The following CDH4 variants were observed in gnomAD, a reference collection of about 807,000 sequenced individuals.
CDH4 encodes the protein cadherin-4.
In CDH4, 33 loss-of-function variants were observed where a neutral mutation model predicts 86.0. That is an observed-to-expected ratio of 0.38 (90% confidence interval 0.29 to 0.51). The LOEUF (loss-of-function observed/expected upper bound fraction) is 0.51. CDH4 is among the 20% of genes least tolerant of loss of function. CDH4 has a pLI of 0.86. For missense variants in CDH4, 1,114 were observed against 1,307.4 expected, an observed-to-expected ratio of 0.85 and a Z score of 2.28; for synonymous variants, 555 against 549.4, an observed-to-expected ratio of 1.01 and a Z score of -0.14.
intron 4 of CDH4, among the ~76,000 whole-genome samples, chr20:61,816,198 C>T (rs1246051984): frequency 6.6e-6 from 1 of 152,158 alleles, no homozygotes; most frequent in Non-Finnish European, 1.5e-5. Flanking sequence ...CTTCCCAAAC[C>T]TAAACTTAAC....
At position 61,582,894 on chromosome 20, in the gene CDH4, C is replaced by T. The variant is rs2086439819; in HGVS notation, c.170-160669C>T. 6.6e-6 allele frequency among the ~76,000 whole-genome samples: 1 copy of T among 152,184 alleles called. No individual in the cohort carries two copies. The highest frequency in any genetic ancestry group is 1.5e-5 in the Non-Finnish European group (1 of 68,030). ...GTCCATTTTAGAATGTTTTCATCGC[C>T]TCACAAAGAAACTCCACACCCTTGG... On this transcript the variant is annotated intron_variant, in intron 2 of 15. Coordinates refer to ENST00000614565, the MANE Select transcript of CDH4 (RefSeq NM_001794.5). The surrounding 1 kb of genome is among the most constrained non-coding windows in gnomAD (Gnocchi z 4.2).
chr20:61,281,700 A>G (rs977050925), intron 2 of CDH4, among the ~76,000 whole-genome samples: 9 of 152,216 alleles, frequency 5.9e-5, no homozygotes, highest in African/African-American at 2.2e-4. Context: ...TTGGGGGGCA[A>G]GGCTGACCAC....
chr20:61,661,091 G>GC lies in CDH4; in HGVS notation c.170-82472_170-82471insC, dbSNP rs376383711. Among the ~76,000 whole-genome samples the GC allele has an allele frequency of 3.5e-5, 5 of 143,938 alleles. 1 individual carries two copies. The highest frequency in any genetic ancestry group is 6.2e-5 in the Non-Finnish European group (4 of 64,786). The allele number at this position is 143,938 out of a possible 152,430, so 94.4% of individuals were successfully genotyped here. A position where few individuals can be genotyped will look rare whatever the true frequency, so the allele number is the denominator to read the frequency against. ...CATGGACAGGAGGCATGGCGGGGGG[G>GC]GGGGAGACACAGTGCCAGGCTCATG... On this transcript the variant is annotated intron_variant, in intron 2 of 15. Coordinates refer to ENST00000614565, the MANE Select transcript of CDH4 (RefSeq NM_001794.5).
Position 61,520,609 on chromosome 20 carries a change from C to G in CDH4, c.170-222954C>G, listed in dbSNP as rs531102384. ...CAGGCCCTGCCTATGGATCAGGCAC[C>G]AGGCTTGGCATTTGGCGCATAGTTT... On this transcript the variant is annotated intron_variant, in intron 2 of 15. Coordinates refer to ENST00000614565, the MANE Select transcript of CDH4 (RefSeq NM_001794.5). Among the ~76,000 whole-genome samples, 12 of 152,342 alleles carry G rather than the reference C, an allele frequency of 7.9e-5. No individual in the cohort carries two copies. The South Asian group carries it at 2.5e-3, about 32-fold the overall frequency.
Position 61,685,895 on chromosome 20 carries a change from C to A in CDH4, c.170-57668C>A, listed in dbSNP as rs374748318. ...CTGTGGGATCCCCACTGGGTGGTAC[C>A]CGCACACCATTTAGCATTCCAGATG... On this transcript the variant is annotated intron_variant, in intron 2 of 15. Coordinates refer to ENST00000614565, the MANE Select transcript of CDH4 (RefSeq NM_001794.5). Among the ~76,000 whole-genome samples, 162 of 152,346 alleles carry A rather than the reference C, an allele frequency of 1.1e-3. 4 individuals carry two copies. In the South Asian group the frequency reaches 0.033, roughly 31 times the overall value.
intron 2 of CDH4, among the ~76,000 whole-genome samples, chr20:61,569,212 G>A (rs2086323597): frequency 6.6e-6 from 1 of 151,876 alleles, no homozygotes; most frequent in Non-Finnish European, 1.5e-5. Flanking sequence ...TGGCCATGAT[G>A]ATTAACTGAG....
intron 2 of CDH4, among the ~76,000 whole-genome samples, chr20:61,711,438 GA>G (rs1447215721): frequency 6.6e-6 from 1 of 152,204 alleles, no homozygotes; most frequent in Non-Finnish European, 1.5e-5. Flanking sequence ...GCTCCTTCTG[GA>G]GACTCCAGGG....
chr20:61,921,198 C>CGTG (rs11472127), intron 9 of CDH4, among the ~76,000 whole-genome samples: 30,425 of 143,140 alleles, frequency 0.21, 5,611 homozygotes, highest in African/African-American at 0.5. Flanking sequence ...AGCGTGGTGT[C>CGTG]GTGATTGCAT....
At chr20:61,933,682 G>A (rs758877049) in intron 14 of CDH4, among the ~76,000 whole-genome samples, 13 of 145,066 alleles carry the variant, frequency 9.0e-5, no homozygotes, top group African/African-American at 3.0e-4. Flanking sequence ...CACCTTCCCC[G>A]CCCCTCCCGC....
At chr20:61,730,616 G>A (rs1000300614) in intron 2 of CDH4, among the ~76,000 whole-genome samples, 17 of 152,332 alleles carry the variant, frequency 1.1e-4, no homozygotes, top group African/African-American at 2.2e-4. Flanking sequence ...AGGAAGGCAG[G>A]CCCAGCGCCT....
At chr20:61,293,955 T>G (rs1027272010) in intron 2 of CDH4, among the ~76,000 whole-genome samples, 1 of 152,044 alleles carries the variant, frequency 6.6e-6, no homozygotes. Context: ...GCTGGTGAGG[T>G]GCTGGGGGGT....
At chr20:61,537,307 A>G (rs2086004419) in intron 2 of CDH4, among the ~76,000 whole-genome samples, 3 of 151,994 alleles carry the variant, frequency 2.0e-5, no homozygotes, top group African/African-American at 4.8e-5. Context: ...ATTGCTTGCA[A>G]TTTTTCTCTC....
chr20:61,782,285 G>C (rs1978589492), intron 4 of CDH4, among the ~76,000 whole-genome samples: 1 of 152,242 alleles, frequency 6.6e-6, no homozygotes, highest in African/African-American at 2.4e-5. Flanking sequence ...CTGCAGCCTG[G>C]GTGACAGAGT....
chr20:61,668,494 G>A (rs566213403), intron 2 of CDH4, among the ~76,000 whole-genome samples: 29 of 152,328 alleles, frequency 1.9e-4, no homozygotes, highest in Non-Finnish European at 2.8e-4. Context: ...GTCGTGGGGC[G>A]TGCTCACCAC....
intron 2 of CDH4, among the ~76,000 whole-genome samples, chr20:61,526,502 T>A (rs577436986): frequency 1.8e-4 from 28 of 152,162 alleles, no homozygotes; most frequent in Admixed American, 8.5e-4. Flanking sequence ...TCTTTTTTTT[T>A]AATTTATTAT....
chr20:61,358,649 G>A (rs749071143), intron 2 of CDH4, among the ~76,000 whole-genome samples: 9 of 152,170 alleles, frequency 5.9e-5, no homozygotes, highest in Non-Finnish European at 1.0e-4. Context: ...TCAAATGCAC[G>A]GCCCTTCCCT....
intron 2 of CDH4, among the ~76,000 whole-genome samples, chr20:61,390,829 C>T (rs1026724825): frequency 6.6e-6 from 1 of 151,652 alleles, no homozygotes; most frequent in Non-Finnish European, 1.5e-5. Flanking sequence ...TGGGAGACCC[C>T]GATTGAGATC....
At chr20:61,404,132 GCAGCTGAGCTGCTA>G (rs57679528) in intron 2 of CDH4, among the ~76,000 whole-genome samples, 63,019 of 146,120 alleles carry the variant, frequency 0.43, 14,874 homozygotes, top group African/African-American at 0.68. Context: ...CTGAGCTGGT[GCAGCTGAGCTGCTA>G]CAGCCAGGCG....
chr20:61,389,479 T>A (rs1161706413), intron 2 of CDH4, among the ~76,000 whole-genome samples: 1 of 152,164 alleles, frequency 6.6e-6, no homozygotes, highest in Non-Finnish European at 1.5e-5. Flanking sequence ...ACACAGTAGG[T>A]GCTTTAGATA....
Sources: allele counts gnomAD v4.1 joint callset (sites outside exome capture counted in the v4.1 genomes callset), GRCh38; gene constraint gnomAD v4.1.1; non-coding constraint Gnocchi (gnomAD v3.1); transcripts MANE v1.5; gene names NCBI Gene and HGNC (gene_info 2026-07-23, HGNC 2026-07-21).